Variants in LCA5L observed in about 807,000 individuals in gnomAD.
The protein encoded by LCA5L is lebercilin LCA5 like.
A neutral mutation model predicts 45.4 loss-of-function variants in LCA5L; 35 were observed. The observed-to-expected ratio is 0.77, with a 90% CI of 0.59 to 1.02. The LOEUF is 1.02. Among genes scored for constraint, LCA5L ranks in the 50% least tolerant of loss-of-function variants. The pLI is 0.00. For missense variants in LCA5L, 668 were observed against 761.6 expected (o/e 0.88, Z 1.45); for synonymous variants, 233 against 264.7 (o/e 0.88, Z 1.16).
intron 5 of LCA5L, chr21:39,427,939 A>G (rs2075052931): frequency 3.0e-6 from 1 of 334,316 alleles, no homozygotes; most frequent in Non-Finnish European, 5.5e-6. Flanking sequence ...AGTAGGCTCC[A>G]GTAGGGTAAG....
rs557025418 is a variant in LCA5L at position 39,445,732 on chromosome 21, G to C, written c.-320C>G. 27 of 152,414 alleles carry C rather than the reference G, an allele frequency of 1.8e-4. No homozygotes were observed. Among genetic ancestry groups the C allele is most frequent in the African/African-American group, 6.5e-4 (27 of 41,568 alleles). The allele number at this position is 152,414 out of a possible 1,614,324, so 9.4% of individuals were successfully genotyped here. On this transcript the variant is annotated 5_prime_UTR_variant, in exon 1 of 11. Coordinates refer to ENST00000288350, the MANE Select transcript of LCA5L (RefSeq NM_152505.4). ...CAGCAGCGGGGCCGTTACCTGCTCC[G>C]CGCTGTTCCCACGACTGCGCCAACG...
rs749068083 is a variant in LCA5L, at chr21:39,411,793, G to C, written c.985C>G (p.Arg329Gly). 3.2e-5 allele frequency: 51 copies of C among 1,580,524 alleles called. No homozygotes were observed. The highest frequency in any genetic ancestry group is 4.2e-5 in the Non-Finnish European group (49 of 1,158,738). ...HLQQKLKEKD[R>G]ELEIKNIYSH... Reference sequence around the variant, plus strand: ...TAGATGTTTTTAATTTCAAGCTCACGATCCTTTTCCTAAAAAGAACCACAA... The same window carrying C: ...TAGATGTTTTTAATTTCAAGCTCACCATCCTTTTCCTAAAAAGAACCACAA... The change falls in exon 8 of 11, where the codon CGT (arginine) becomes GGT (glycine). Residue 329 changes from arginine (R) to glycine (G), a missense_variant. Coordinates refer to ENST00000288350, the MANE Select transcript of LCA5L (RefSeq NM_152505.4).
chr21:39,442,787 C>T (rs181145677), intron 2 of LCA5L, among the ~76,000 whole-genome samples: 7 of 152,124 alleles, frequency 4.6e-5, no homozygotes, highest in Admixed American at 2.0e-4. Flanking sequence ...GCTAGCTGAA[C>T]GTACGAGTCT....
intron 7 of LCA5L, among the ~76,000 whole-genome samples, chr21:39,416,468 T>C (rs2041174398): frequency 6.6e-6 from 1 of 152,196 alleles, no homozygotes; most frequent in African/African-American, 2.4e-5. Flanking sequence ...GTTCATCTAG[T>C]GTATTTCCTG....
chr21:39,405,839 C>A lies in LCA5L; in HGVS notation c.*43G>T. On this transcript the variant is annotated 3_prime_UTR_variant, in exon 11 of 11. Transcript: ENST00000288350. ...AAAAATAAGATGCAAGGCACATAAGCAGCATTATATCAAACCAGAATGCAT... is the reference window on the plus strand; with the variant it reads ...AAAAATAAGATGCAAGGCACATAAGAAGCATTATATCAAACCAGAATGCAT... 4 of 1,385,332 alleles carry A rather than the reference C, an allele frequency of 2.9e-6. No homozygotes were observed. The highest frequency in any genetic ancestry group is 2.9e-6 in the Non-Finnish European group (3 of 1,030,812). 85.8% of individuals were successfully genotyped at this position (1,385,332 alleles called of 1,614,324 possible). A position where few individuals can be genotyped will look rare whatever the true frequency, so the allele number is the denominator to read the frequency against.
chr21:39,440,914 G>T (rs906989479), intron 2 of LCA5L, among the ~76,000 whole-genome samples: 4 of 152,212 alleles, frequency 2.6e-5, no homozygotes, highest in African/African-American at 9.7e-5. Flanking sequence ...ATATAGCTAA[G>T]ATAATCAATA....
chr21:39,437,842 T>A (rs745705044), intron 2 of LCA5L, among the ~76,000 whole-genome samples: 25 of 152,184 alleles, frequency 1.6e-4, no homozygotes, highest in Admixed American at 3.9e-4. Context: ...CTAAGTTTAC[T>A]ACGAATAATA....
chr21:39,423,700 C>T (rs1225448828), intron 5 of LCA5L, among the ~76,000 whole-genome samples: 1 of 152,126 alleles, frequency 6.6e-6, no homozygotes, highest in Non-Finnish European at 1.5e-5. Flanking sequence ...TCATTTAATA[C>T]AATTCTTTAA....
Position 39,411,695 on chromosome 21 carries a change from G to T in LCA5L, c.1060+23C>A. 5 of 1,224,268 alleles carry T rather than the reference G, an allele frequency of 4.1e-6. No individual in the cohort carries two copies. The South Asian group carries it at 4.7e-5, about 12-fold the overall frequency. The allele number at this position is 1,224,268 out of a possible 1,614,324, so 75.8% of individuals were successfully genotyped here. A position where few individuals can be genotyped will look rare whatever the true frequency, so the allele number is the denominator to read the frequency against. On this transcript the variant is annotated intron_variant, in intron 8 of 10. Transcript: ENST00000288350. ...GACTAGATACTTAAAAATAGATTTTGAGCAAAAGTAATTAAAACATACCTT... is the reference window on the plus strand; with the variant it reads ...GACTAGATACTTAAAAATAGATTTTTAGCAAAAGTAATTAAAACATACCTT...
At position 39,420,833 on chromosome 21, in the gene LCA5L, T is replaced by C; in HGVS notation, c.848A>G (p.Lys283Arg). 6.2e-7 allele frequency: 1 copy of C among 1,612,768 alleles called. No individual in the cohort carries two copies. The highest frequency in any genetic ancestry group is 2.2e-5 in the East Asian group (1 of 44,860). ...GGCTCTGCAGTTCAACCTCAGTTGT[T>C]TTTCCAAGCTCTGAAAACAGTATAT... ...ANDKKIQSLEKQLRLNCRAFS... is the reference protein window; with the variant it reads ...ANDKKIQSLERQLRLNCRAFS... The change falls in exon 7 of 11, where the codon AAA (lysine) becomes AGA (arginine). Residue 283 changes from lysine (K) to arginine (R), a missense_variant. Physicochemically the swap from Lys to Arg is conservative, Grantham distance 26. Coordinates refer to ENST00000288350, the MANE Select transcript of LCA5L (RefSeq NM_152505.4).
chr21:39,407,137 G>A (rs1344604955), intron 10 of LCA5L, among the ~76,000 whole-genome samples: 4 of 152,210 alleles, frequency 2.6e-5, no homozygotes, highest in African/African-American at 4.8e-5. Context: ...TAAGGTGGGA[G>A]GATCACTTGA....
chr21:39,406,655 T>G, intron 10 of LCA5L, 43 bp from the exon 11 acceptor site: 1 of 1,435,986 alleles, frequency 7.0e-7, no homozygotes, highest in East Asian at 2.3e-5. Flanking sequence ...TTAAAATGAA[T>G]GGATCTCTAT....
chr21:39,412,030 C>T (rs1434562638), intron 7 of LCA5L, among the ~76,000 whole-genome samples: 1 of 152,156 alleles, frequency 6.6e-6, no homozygotes, highest in African/African-American at 2.4e-5. Flanking sequence ...TTTGAAGAGC[C>T]TTGCAGGTCA....
rs2039035274 is a variant in LCA5L, at chr21:39,406,087, A to G, written c.1808T>C (p.Phe603Ser). The change falls in exon 11 of 11, where the codon TTT becomes TCT. Residue 603 changes from phenylalanine (F) to serine (S), a missense_variant. Physicochemically the swap from Phe to Ser is radical, Grantham distance 155. Transcript: ENST00000288350. ...DKKSSLMEEL[F>S]GSGYVLKTDQ... ...AGTTTTCAAGACATAGCCTGATCCA[A>G]AGAGTTCTTCCATGAGACTGCTTTT... 1.2e-6 allele frequency: 2 copies of G among 1,614,180 alleles called. No homozygotes were observed. The highest frequency in any genetic ancestry group is 1.3e-5 in the African/African-American group (1 of 75,044).
intron 7 of LCA5L, among the ~76,000 whole-genome samples, chr21:39,414,742 C>CTGTGTGTGTGTGTGTGTGTG (rs66478742): frequency 3.0e-5 from 3 of 99,230 alleles, no homozygotes; most frequent in Admixed American, 2.3e-4. Flanking sequence ...CTCTCTCTCT[C>CTGTGTGTGTGTGTGTGTGTG]TGTGTGTGTG....
intron 7 of LCA5L, among the ~76,000 whole-genome samples, chr21:39,412,983 C>G (rs2040375920): frequency 6.6e-6 from 1 of 152,202 alleles, no homozygotes; most frequent in Non-Finnish European, 1.5e-5. Context: ...ATAGCACAGG[C>G]TTTGCAACAG....
chr21:39,413,921 C>G (rs8130381), intron 7 of LCA5L: 75,954 of 151,474 alleles, frequency 0.5, 19,457 homozygotes, highest in East Asian at 0.67. Context: ...AGAACAACAA[C>G]AAGAGGCTGC....
intron 1 of LCA5L, among the ~76,000 whole-genome samples, chr21:39,445,046 A>T (rs564944735): frequency 6.6e-6 from 1 of 151,844 alleles, no homozygotes; most frequent in African/African-American, 2.4e-5. Flanking sequence ...GGATGAGTTC[A>T]TCTAGGGATT....
intron 3 of LCA5L, 158 bp from the exon 4 acceptor site, chr21:39,429,369 A>G (rs1311444447): frequency 6.6e-6 from 1 of 152,202 alleles, no homozygotes; most frequent in Non-Finnish European, 1.5e-5. Context: ...CTGATGAAAT[A>G]TATTAGGCAG....
Sources: gnomAD v4.1 joint callset for allele counts (sites outside exome capture counted in the v4.1 genomes callset) on GRCh38, gnomAD v4.1.1 for gene constraint, MANE v1.5 for transcripts, NCBI Gene and HGNC (gene_info 2026-07-23, HGNC 2026-07-21) for gene names.